The following LIG3 variants were observed in gnomAD, a reference collection of about 807,000 sequenced individuals.
LIG3 encodes the protein ligase II, DNA, ATP-dependent.
In LIG3, 58 loss-of-function variants were observed where a neutral mutation model predicts 110.9. The observed-to-expected ratio is 0.52, with a 90% confidence interval of 0.42 to 0.65. The LOEUF (loss-of-function observed/expected upper bound fraction) is 0.65. Among genes scored for constraint, LIG3 ranks in the 30% least tolerant of loss-of-function variants. LIG3 has a pLI of 0.00. For missense variants in LIG3, 1,094 were observed against 1,273.8 expected, an observed-to-expected ratio of 0.86 and a Z score of 2.15; for synonymous variants, 422 against 472.8, an observed-to-expected ratio of 0.89 and a Z score of 1.39.
intron 3 of LIG3, among the ~76,000 whole-genome samples, chr17:34,988,052 GCGT>G (rs1352780629): frequency 6.6e-6 from 1 of 151,818 alleles, no homozygotes; most frequent in Non-Finnish European, 1.5e-5. Context: ...AATTAGCCGG[GCGT>G]GGTGGCAGGC....
chr17:34,986,082 C>T lies in LIG3; in HGVS notation c.642C>T (p.Gly214=), dbSNP rs756061170. 1.2e-5 allele frequency: 19 copies of T among 1,614,126 alleles called. No individual in the cohort carries two copies. The highest frequency in any genetic ancestry group is 5.5e-5 in the South Asian group (5 of 91,082). The change falls in exon 3 of 20, where the codon GGC becomes GGT. Residue 214 remains glycine (G), a synonymous_variant. Coordinates refer to ENST00000378526, the MANE Select transcript of LIG3 (RefSeq NM_013975.4). ...GCCAGGTGACTTCTCCAGTGAAAGGCGCCTCATTTGTCACCAGTACCAATC... is the reference window on the plus strand; with the variant it reads ...GCCAGGTGACTTCTCCAGTGAAAGGTGCCTCATTTGTCACCAGTACCAATC... ...TTGQVTSPVK[G]ASFVTSTNPR...
chr17:34,999,552 A>G, intron 15 of LIG3, 103 bp downstream of exon 15: 1 of 1,435,604 alleles, frequency 7.0e-7, no homozygotes, highest in Non-Finnish European at 9.4e-7. Flanking sequence ...CCCCAGAAAG[A>G]AGGGTTGCAG....
intron 1 of LIG3, chr17:34,981,207 C>T (rs1355506119): frequency 1.3e-5 from 2 of 152,392 alleles, no homozygotes; most frequent in African/African-American, 4.8e-5. Flanking sequence ...ATTGTGCCTC[C>T]TCGTGGCCCA....
At position 34,980,544 on chromosome 17, in the gene LIG3, T is replaced by A. The variant is rs998025266; in HGVS notation, c.-83T>A. ...GACCCGGATTTAAAGAGACAGGCGC[T>A]CCAACCGTCGTGGGCTGCCCGCGGC... On this transcript the variant is annotated 5_prime_UTR_variant, in exon 1 of 20. Coordinates refer to ENST00000378526, the MANE Select transcript of LIG3 (RefSeq NM_013975.4). 96 of 1,286,782 alleles carry A rather than the reference T, an allele frequency of 7.5e-5. No homozygotes were observed. The highest frequency in any genetic ancestry group is 9.7e-5 in the Non-Finnish European group (96 of 987,382). The allele number at this position is 1,286,782 out of a possible 1,614,324, so 79.7% of individuals were successfully genotyped here. A position where few individuals can be genotyped will look rare whatever the true frequency, so the allele number is the denominator to read the frequency against.
At chr17:34,988,081 TACTCAGGAGGCTGAGGCA>T (rs1157284382) in intron 3 of LIG3, among the ~76,000 whole-genome samples, 2 of 149,146 alleles carry the variant, frequency 1.3e-5, no homozygotes, top group Non-Finnish European at 2.9e-5. Flanking sequence ...TAGTCCCAGC[TACTCAGGAGGCTGAGGCA>T]GGAGAATGGC....
intron 11 of LIG3, chr17:34,997,224 C>T (rs2090787740): frequency 1.8e-5 from 3 of 167,040 alleles, no homozygotes; most frequent in African/African-American, 7.2e-5. Context: ...CCTTTCCTCA[C>T]TTAGAAATGT....
chr17:34,999,886 G>A (rs1296123658), intron 16 of LIG3, 30 bp downstream of exon 16: 4 of 1,565,556 alleles, frequency 2.6e-6, no homozygotes, highest in South Asian at 1.1e-5. Context: ...GGGGCCTCCA[G>A]CTCATAGAAT....
intron 14 of LIG3, 66 bp from the exon 15 acceptor site, chr17:34,999,241 C>A: frequency 6.4e-7 from 1 of 1,551,078 alleles, no homozygotes; most frequent in Non-Finnish European, 8.8e-7. Context: ...TCTCCCTGGC[C>A]CTGGGCTCTT....
At chr17:35,004,210 G>GT (rs2090874672) in intron 19 of LIG3, 63 bp from the exon 20 acceptor site, 4 of 1,236,414 alleles carry the variant, frequency 3.2e-6, no homozygotes, top group Non-Finnish European at 4.7e-6. Flanking sequence ...GTGCTCATTT[G>GT]GGTGAAGACC....
intron 2 of LIG3, 60 bp downstream of exon 2, chr17:34,983,612 GT>G (rs1419786704): frequency 2.1e-6 from 3 of 1,445,902 alleles, no homozygotes; most frequent in Non-Finnish European, 2.8e-6. Context: ...GGGATAAGGA[GT>G]TCAACTGCTT....
chr17:34,998,328 A>C (rs199516910), intron 13 of LIG3, 32 bp downstream of exon 13: 1 of 1,575,010 alleles, frequency 6.3e-7, no homozygotes, highest in African/African-American at 1.3e-5. Context: ...TCTCCTGTCG[A>C]CTCACTCGCA....
chr17:35,005,201 G>C lies in LIG3; in HGVS notation c.*695G>C, dbSNP rs1465514216. ...TCCTCTGGAGGGATAGAGGGCTCCA[G>C]GAAGATCTGCATCCCCAAAACCTGG... On this transcript the variant is annotated 3_prime_UTR_variant, in exon 20 of 20. Coordinates refer to ENST00000378526, the MANE Select transcript of LIG3 (RefSeq NM_013975.4). The C allele has an allele frequency of 4.6e-6, 2 of 431,188 alleles. No individual in the cohort carries two copies. Among genetic ancestry groups the C allele is most frequent in the African/African-American group, 4.1e-5 (2 of 49,368 alleles). The allele number at this position is 431,188 out of a possible 1,614,324, so 26.7% of individuals were successfully genotyped here. A position where few individuals can be genotyped will look rare whatever the true frequency, so the allele number is the denominator to read the frequency against.
At chr17:34,989,897 C>A in intron 4 of LIG3, 2 of 530,096 alleles carry the variant, frequency 3.8e-6, no homozygotes, top group Admixed American at 6.3e-5. Flanking sequence ...TGGCATCTGT[C>A]TTCCTCTCCC....
chr17:34,992,099 T>C, intron 7 of LIG3, 64 bp downstream of exon 7: 1 of 1,446,542 alleles, frequency 6.9e-7, no homozygotes, highest in Non-Finnish European at 9.7e-7. Context: ...TCCCAACTGG[T>C]GTCAGGACTT....
At chr17:35,002,608 C>T in intron 18 of LIG3, 60 bp from the exon 19 acceptor site, 1 of 1,559,136 alleles carries the variant, frequency 6.4e-7, no homozygotes, top group Admixed American at 1.9e-5. Context: ...AATTGATCCT[C>T]CCGAGTAGCT....
chr17:34,983,201 T>A lies in LIG3; in HGVS notation c.196T>A (p.Ser66Thr). ...ATCATTCCAGGGAAGCCATCTAAGA[T>A]CACGTGCCACCTACCTTGTTTTCTT... The part of the protein sequence containing the change: ...VLSFQGSHLR[S>T]RATYLVFLPG... Residue 66 changes from serine to threonine, a missense_variant, in exon 2 of 20, where the codon TCA becomes ACA. Physicochemically the swap from Ser to Thr is moderately conservative, Grantham distance 58. Transcript: ENST00000378526. 2 of 1,614,204 alleles carry A rather than the reference T, an allele frequency of 1.2e-6. No individual in the cohort carries two copies. The highest frequency in any genetic ancestry group is 1.7e-6 in the Non-Finnish European group (2 of 1,180,030).
chr17:34,996,501 T>G (rs2090779351), intron 10 of LIG3, 73 bp from the exon 11 acceptor site: 3 of 1,216,594 alleles, frequency 2.5e-6, no homozygotes, highest in Non-Finnish European at 3.6e-6. Flanking sequence ...CCTCCAGAAG[T>G]GGACTGGTAC....
chr17:34,991,392 C>T, intron 5 of LIG3: 3 of 568,946 alleles, frequency 5.3e-6, no homozygotes, highest in South Asian at 2.3e-5. Flanking sequence ...TCTCCTGGGG[C>T]TTTTATTCTG....
chr17:34,984,442 G>A (rs545307041), intron 2 of LIG3, among the ~76,000 whole-genome samples: 30 of 152,102 alleles, frequency 2.0e-4, no homozygotes, highest in African/African-American at 6.8e-4. Flanking sequence ...TGTCCTCTGT[G>A]TCCTGTATAC....
Sources: allele counts gnomAD v4.1 joint callset (sites outside exome capture counted in the v4.1 genomes callset), GRCh38; gene constraint gnomAD v4.1.1; transcripts MANE v1.5; gene names NCBI Gene and HGNC (gene_info 2026-07-23, HGNC 2026-07-21).